BMPR1B: variants seen among roughly 807,000 people sequenced by gnomAD.
The protein encoded by BMPR1B is bone morphogenetic protein receptor type 1B, also known as bone morphogenetic protein receptor type-1B.
Under a neutral mutation model 59.1 loss-of-function variants are expected in BMPR1B, and 12 were observed. The ratio of observed to expected loss-of-function variants is 0.20; its 90% CI spans 0.13 to 0.33. The LOEUF (loss-of-function observed/expected upper bound fraction) is 0.33. Among genes scored for constraint, BMPR1B ranks in the 10% least tolerant of loss-of-function variants. The probability of loss-of-function intolerance (pLI) is 1.00; values close to 1 mark genes in which losing one functional copy is unlikely to be tolerated. For synonymous variants in BMPR1B, 237 were observed against 207.3 expected, an observed-to-expected ratio of 1.14 and a Z score of -1.23; for missense variants, 550 against 610.9, an observed-to-expected ratio of 0.90 and a Z score of 1.05.
chr4:95,154,820 G>T lies in BMPR1B; in HGVS notation c.*147G>T, dbSNP rs964561820. The stretch of plus-strand genomic sequence containing the variant: ...GTGGGTTCAGACCTCACCTCTCAGG[G>T]AGCGACCTGGGCAAAGACAGAGAAG... On this transcript the variant is annotated 3_prime_UTR_variant, in exon 13 of 13. Coordinates refer to ENST00000515059, the MANE Select transcript of BMPR1B (RefSeq NM_001203.3). The T allele has an allele frequency of 1.9e-5, 21 of 1,123,604 alleles. 1 individual carries two copies. Among genetic ancestry groups the T allele is most frequent in the Non-Finnish European group, 2.7e-5 (21 of 770,608 alleles). The allele number at this position is 1,123,604 out of a possible 1,614,324, so 69.6% of individuals were successfully genotyped here.
intron 3 of BMPR1B, among the ~76,000 whole-genome samples, chr4:95,053,048 G>C (rs1056199197): frequency 6.6e-6 from 1 of 151,944 alleles, no homozygotes; most frequent in African/African-American, 2.4e-5. Flanking sequence ...CGAATACTTG[G>C]CTTTAGTATT....
chr4:94,937,495 G>A (rs1005941406), intron 2 of BMPR1B, among the ~76,000 whole-genome samples: 1 of 152,050 alleles, frequency 6.6e-6, no homozygotes, highest in Non-Finnish European at 1.5e-5. Flanking sequence ...GTCATGCATT[G>A]AATAAATAAA....
At chr4:95,092,342 G>A (rs923323851) in intron 3 of BMPR1B, among the ~76,000 whole-genome samples, 9 of 152,052 alleles carry the variant, frequency 5.9e-5, no homozygotes, top group African/African-American at 2.2e-4. Flanking sequence ...ACGCACAACA[G>A]ATAAGTGTAA....
At chr4:94,879,019 A>T (rs1351213656) in intron 2 of BMPR1B, among the ~76,000 whole-genome samples, 1 of 151,990 alleles carries the variant, frequency 6.6e-6, no homozygotes. Context: ...TTATTATTAT[A>T]CTTTAAGTTT....
intron 2 of BMPR1B, among the ~76,000 whole-genome samples, chr4:94,994,949 T>C (rs1245004997): frequency 6.6e-6 from 1 of 152,054 alleles, no homozygotes. Context: ...AGCCTGGGGG[T>C]TGATTTTCTT....
intron 2 of BMPR1B, among the ~76,000 whole-genome samples, chr4:94,882,145 T>C (rs17022446): frequency 0.035 from 5,396 of 152,234 alleles, 313 homozygotes; most frequent in African/African-American, 0.12. Flanking sequence ...TCTTTTTTTT[T>C]CCATGGAAGG....
chr4:94,955,785 C>T (rs1014601850), intron 2 of BMPR1B, among the ~76,000 whole-genome samples: 12 of 152,012 alleles, frequency 7.9e-5, no homozygotes, highest in African/African-American at 2.9e-4. Flanking sequence ...CACGCCCCCA[C>T]ACCCGGCTAA....
intron 3 of BMPR1B, among the ~76,000 whole-genome samples, chr4:95,000,642 G>A (rs566781497): frequency 6.6e-6 from 1 of 152,254 alleles, no homozygotes; most frequent in South Asian, 2.1e-4. Context: ...GATTGGGATG[G>A]TGGAAGTTTC....
chr4:94,776,147 G>A (rs1421515681), intron 1 of BMPR1B, among the ~76,000 whole-genome samples: 1 of 151,174 alleles, frequency 6.6e-6, no homozygotes, highest in Admixed American at 6.6e-5. Flanking sequence ...AAGTCTTAAG[G>A]TTTCTCTTTT....
chr4:95,135,196 C>G (rs11097456), intron 10 of BMPR1B, among the ~76,000 whole-genome samples: 67,205 of 151,754 alleles, frequency 0.44, 17,161 homozygotes, highest in Admixed American at 0.59. Flanking sequence ...ATTTCTGAGG[C>G]CTCTGTTCTG....
intron 3 of BMPR1B, among the ~76,000 whole-genome samples, chr4:95,079,609 T>C (rs17022952): frequency 0.043 from 6,484 of 152,198 alleles, 463 homozygotes; most frequent in African/African-American, 0.15. Flanking sequence ...AACAGTTTTC[T>C]CTAGCATGTA....
At chr4:94,981,455 G>A (rs761454065) in intron 2 of BMPR1B, among the ~76,000 whole-genome samples, 28 of 152,150 alleles carry the variant, frequency 1.8e-4, no homozygotes, top group South Asian at 2.1e-4. Context: ...ATAGAAACAC[G>A]AGGAGAAGCT....
At chr4:95,061,212 A>ACACACACACACACACACACACAC (rs1560624940) in intron 3 of BMPR1B, among the ~76,000 whole-genome samples, 1 of 131,660 alleles carries the variant, frequency 7.6e-6, no homozygotes, top group Non-Finnish European at 1.6e-5. Context: ...CACACACACC[A>ACACACACACACACACACACACAC]CACACCCCTC....
intron 2 of BMPR1B, among the ~76,000 whole-genome samples, chr4:94,967,373 C>T (rs987191773): frequency 1.3e-5 from 2 of 152,128 alleles, no homozygotes; most frequent in African/African-American, 4.8e-5. Context: ...ATTATGCCCA[C>T]CAACCACATT....
intron 3 of BMPR1B, among the ~76,000 whole-genome samples, chr4:95,082,275 CTCAG>C (rs1426454985): frequency 6.6e-6 from 1 of 151,490 alleles, no homozygotes; most frequent in Non-Finnish European, 1.5e-5. Context: ...ATTTGGTATC[CTCAG>C]TCATTTTTAA....
intron 1 of BMPR1B, among the ~76,000 whole-genome samples, chr4:94,870,102 C>A (rs1726419418): frequency 6.6e-6 from 1 of 152,100 alleles, no homozygotes; most frequent in Non-Finnish European, 1.5e-5. Flanking sequence ...TTTTAAAATT[C>A]TATTTTTATA....
rs1721043060 is a variant in BMPR1B at position 94,981,005 on chromosome 4, A to ACACGCGCG, written c.-112-15032_-112-15031insGCGCGCAC. 2.0e-4 allele frequency among the ~76,000 whole-genome samples: 24 copies of ACACGCGCG among 122,798 alleles called. 1 individual carries two copies. Among genetic ancestry groups the ACACGCGCG allele is most frequent in the South Asian group, 7.3e-4 (3 of 4,090 alleles). 80.6% of individuals were successfully genotyped at this position (122,798 alleles called of 152,430 possible). ...GCAAGACTCCATCACACACACACAC[A>ACACGCGCG]CACACACACACACACACAAAAAGTA... On this transcript the variant is annotated intron_variant, in intron 2 of 12. Coordinates refer to ENST00000515059, the MANE Select transcript of BMPR1B (RefSeq NM_001203.3).
chr4:95,058,525 A>G (rs776881357), intron 3 of BMPR1B, among the ~76,000 whole-genome samples: 1 of 152,158 alleles, frequency 6.6e-6, no homozygotes, highest in Non-Finnish European at 1.5e-5. Context: ...CACTGATGAG[A>G]TAACAGCCAG....
chr4:95,139,088 G>A (rs562803608), intron 10 of BMPR1B, among the ~76,000 whole-genome samples: 1 of 152,284 alleles, frequency 6.6e-6, no homozygotes, highest in South Asian at 2.1e-4. Context: ...TACAGATGGG[G>A]TTTTGGTGTG....
Sources: gnomAD v4.1 joint callset for allele counts (sites outside exome capture counted in the v4.1 genomes callset) on GRCh38, gnomAD v4.1.1 for gene constraint, MANE v1.5 for transcripts, NCBI Gene and HGNC (gene_info 2026-07-23, HGNC 2026-07-21) for gene names.